Variants in PLEKHD1 observed in about 807,000 individuals in gnomAD.
The protein encoded by PLEKHD1 is pleckstrin homology and coiled-coil domain containing D1, also known as pleckstrin homology domain-containing family D member 1.
In PLEKHD1, 51 loss-of-function variants were observed where a neutral mutation model predicts 69.2. The observed-to-expected ratio is 0.74, with a 90% CI of 0.59 to 0.93. The LOEUF is 0.93. PLEKHD1 is among the 40% of genes least tolerant of loss of function. The pLI, the probability that PLEKHD1 is intolerant of heterozygous loss-of-function variation, is 0.00. For missense variants in PLEKHD1, 584 were observed against 641.0 expected (o/e 0.91, Z 0.96); for synonymous variants, 236 against 244.7 (o/e 0.96, Z 0.33).
chr14:69,475,529 G>A, the PLEKHD1 span, among the ~76,000 whole-genome samples: 2 of 152,190 alleles, frequency 1.3e-5, no homozygotes, highest in Admixed American at 1.3e-4. Flanking sequence ...GTGAGAGGGT[G>A]GGGTGGGGTA....
intron 7 of PLEKHD1, among the ~76,000 whole-genome samples, chr14:69,523,974 G>A (rs1176009518): frequency 6.6e-6 from 1 of 152,160 alleles, no homozygotes; most frequent in Admixed American, 6.5e-5. Flanking sequence ...CCTGTGGGGT[G>A]GCCCTAGGTT....
At chr14:69,518,967 G>A (rs1450376001) in intron 6 of PLEKHD1, among the ~76,000 whole-genome samples, 2 of 152,012 alleles carry the variant, frequency 1.3e-5, no homozygotes, top group Admixed American at 6.6e-5. Context: ...TTGGTGACAG[G>A]GACATGCAGG....
chr14:69,500,124 C>A lies in PLEKHD1; in HGVS notation c.159C>A (p.Ile53=), dbSNP rs1358313754. 6.5e-7 allele frequency: 1 copy of A among 1,548,810 alleles called. No homozygotes were observed. Among genetic ancestry groups the A allele is most frequent in the Admixed American group, 2.0e-5 (1 of 50,970 alleles). Residue 53 remains isoleucine (I), a synonymous_variant, in exon 2 of 13, where the codon ATC becomes ATA. Coordinates refer to ENST00000322564, the MANE Select transcript of PLEKHD1 (RefSeq NM_001161498.2). Reference sequence around the variant, plus strand: ...CCACCGCCCACTATAGGTTTTTCATCATCAAAGAGAGCTTTCTGCTTTACT... The same window carrying A: ...CCACCGCCCACTATAGGTTTTTCATAATCAAAGAGAGCTTTCTGCTTTACT... ...PSAKWSRRFF[I]IKESFLLYYS...
intron 11 of PLEKHD1, among the ~76,000 whole-genome samples, 172 bp downstream of exon 11, chr14:69,527,504 C>T (rs17107058): frequency 0.072 from 10,977 of 152,296 alleles, 584 homozygotes; most frequent in African/African-American, 0.15. Context: ...AGCACCACTG[C>T]TTTCTTGTGG....
At chr14:69,470,261 A>G in the PLEKHD1 span, among the ~76,000 whole-genome samples, 1 of 151,680 alleles carries the variant, frequency 6.6e-6, no homozygotes, top group South Asian at 2.1e-4. Flanking sequence ...TCAGGAGTTC[A>G]AGACCAACCT....
rs778097460 is a variant in PLEKHD1 at position 69,526,078 on chromosome 14, G to A, written c.879G>A (p.Glu293=). The A allele has an allele frequency of 7.7e-6, 12 of 1,551,646 alleles. No homozygotes were observed. Among genetic ancestry groups the A allele is most frequent in the Non-Finnish European group, 1.0e-5 (12 of 1,146,994 alleles). Residue 293 remains glutamate, a synonymous_variant, in exon 9 of 13, where the codon GAG becomes GAA. Transcript: ENST00000322564. The stretch of plus-strand genomic sequence containing the variant: ...ATAGCAACCTCCGGCAGATCGAGGA[G>A]AAGATGCAGCAGCTCTTAGAGGAGA... ...GLHSNLRQIE[E]KMQQLLEEKL... is the part of the protein sequence containing the mutation.
In PLEKHD1 at chr14:69,500,635, A is replaced by G. The variant is rs1475907572; in HGVS notation, c.302A>G (p.Tyr101Cys). ...VEPKEEPSMP[Y>C]AMKISHQDFH... ...CCCAAGGAAGAGCCTAGCATGCCCT[A>G]TGCCATGAAGATCTCCCACCAGGAC... Residue 101 changes from tyrosine to cysteine, a missense_variant, in exon 3 of 13, where the codon TAT becomes TGT. Physicochemically the swap from Tyr to Cys is radical, Grantham distance 194. Coordinates refer to ENST00000322564, the MANE Select transcript of PLEKHD1 (RefSeq NM_001161498.2). 1.3e-6 allele frequency: 2 copies of G among 1,551,334 alleles called. No individual in the cohort carries two copies. Among genetic ancestry groups the G allele is most frequent in the African/African-American group, 1.4e-5 (1 of 73,054 alleles).
In PLEKHD1 at chr14:69,484,734, C is replaced by G; in HGVS notation, c.-232C>G. Reference sequence around the variant, plus strand: ...GCTGAGCCACCCTCCCCGCGGAGTTCCCGCCCGGCCCTCTGCAATCCGGAG... The same window carrying G: ...GCTGAGCCACCCTCCCCGCGGAGTTGCCGCCCGGCCCTCTGCAATCCGGAG... On this transcript the variant is annotated 5_prime_UTR_variant, in exon 1 of 13. Coordinates refer to ENST00000322564, the MANE Select transcript of PLEKHD1 (RefSeq NM_001161498.2). 2.1e-6 allele frequency: 1 copy of G among 474,044 alleles called. No individual in the cohort carries two copies. The highest frequency in any genetic ancestry group is 3.5e-5 in the East Asian group (1 of 28,212). The allele number at this position is 474,044 out of a possible 1,614,324, so 29.4% of individuals were successfully genotyped here. A position where few individuals can be genotyped will look rare whatever the true frequency, so the allele number is the denominator to read the frequency against.
At chr14:69,499,222 C>T (rs941874522) in intron 1 of PLEKHD1, among the ~76,000 whole-genome samples, 10 of 120,034 alleles carry the variant, frequency 8.3e-5, no homozygotes, top group East Asian at 2.4e-4. Flanking sequence ...AACTCTCATA[C>T]GTGCACACAC....
At chr14:69,526,251 T>A in intron 9 of PLEKHD1, 129 bp downstream of exon 9, 1 of 985,918 alleles carries the variant, frequency 1.0e-6, no homozygotes, top group Non-Finnish European at 1.5e-6. Flanking sequence ...TCCTTTTGCC[T>A]AGGACTCTGT....
At chr14:69,496,552 G>A (rs1882891877) in intron 1 of PLEKHD1, among the ~76,000 whole-genome samples, 2 of 151,986 alleles carry the variant, frequency 1.3e-5, no homozygotes, top group African/African-American at 4.8e-5. Context: ...TTGCAACAGG[G>A]TCTTGATCTG....
intron 1 of PLEKHD1, among the ~76,000 whole-genome samples, chr14:69,492,991 T>G (rs533949193): frequency 1.3e-5 from 2 of 152,360 alleles, no homozygotes; most frequent in South Asian, 4.1e-4. Context: ...TGGTATGGAC[T>G]CCGGGGTTGA....
upstream of PLEKHD1, among the ~76,000 whole-genome samples, chr14:69,484,210 T>C (rs979269509): frequency 1.9e-4 from 29 of 152,180 alleles, no homozygotes; most frequent in Non-Finnish European, 3.1e-4. Context: ...AAGTCCTACC[T>C]GGCCACCCGC....
At chr14:69,500,753 C>T (rs4902724) in intron 3 of PLEKHD1, 87 bp downstream of exon 3, 190,952 of 1,517,006 alleles carry the variant, frequency 0.13, 12,633 homozygotes, top group South Asian at 0.14. Flanking sequence ...CATGTCCTGG[C>T]CTGGGAGAGG....
rs543145457 is a variant in PLEKHD1, at chr14:69,525,227, A to C, written c.745-717A>C. On this transcript the variant is annotated intron_variant, in intron 8 of 12. Coordinates refer to ENST00000322564, the MANE Select transcript of PLEKHD1 (RefSeq NM_001161498.2). ...ATGGTCTCTCCAAGCCCATCCCCTG[A>C]AGTGGGCCTGGCACATATGGTGTAT... is the stretch of plus-strand genomic sequence containing the variant. Among the ~76,000 whole-genome samples, 275 of 152,264 alleles carry C rather than the reference A, an allele frequency of 1.8e-3. 1 individual carries two copies. The highest frequency in any genetic ancestry group is 6.4e-3 in the African/African-American group (265 of 41,534).
At chr14:69,506,531 A>C (rs756271269) in intron 6 of PLEKHD1, among the ~76,000 whole-genome samples, 3 of 152,252 alleles carry the variant, frequency 2.0e-5, no homozygotes, top group Non-Finnish European at 4.4e-5. Flanking sequence ...GTGGAAAAGA[A>C]ATGAGAAAGG....
chr14:69,484,901 G>T lies in PLEKHD1; in HGVS notation c.-65G>T, dbSNP rs1480332157. On this transcript the variant is annotated 5_prime_UTR_variant, in exon 1 of 13. Transcript: ENST00000322564. ...TCCGACGGCTCCGCCCTCGCCTCTCGCCCCGAGTCCCTGCTGACCCCGGGG... is the reference window on the plus strand; with the variant it reads ...TCCGACGGCTCCGCCCTCGCCTCTCTCCCCGAGTCCCTGCTGACCCCGGGG... 22 of 1,517,962 alleles carry T rather than the reference G, an allele frequency of 1.4e-5. No individual in the cohort carries two copies. The highest frequency in any genetic ancestry group is 1.9e-5 in the Non-Finnish European group (21 of 1,125,928). The allele number at this position is 1,517,962 out of a possible 1,614,324, so 94.0% of individuals were successfully genotyped here.
chr14:69,526,167 T>C (rs1324186803), intron 9 of PLEKHD1, 45 bp downstream of exon 9: 16 of 1,497,876 alleles, frequency 1.1e-5, no homozygotes, highest in Non-Finnish European at 1.3e-5. Context: ...CTTTGGGGTC[T>C]GGGGACTTTC....
In PLEKHD1 at chr14:69,499,385, G is replaced by C. The variant is rs149520313; in HGVS notation, c.150-730G>C. Among the ~76,000 whole-genome samples the C allele has an allele frequency of 2.6e-3, 390 of 152,278 alleles. 4 individuals are homozygous for C. Among genetic ancestry groups the C allele is most frequent in the South Asian group, 2.9e-3 (14 of 4,826 alleles). ...CACTCTGGGTGTCCCTGAATCTCTG[G>C]GCTTTGAGCGCCAATCGGACCTTCC... On this transcript the variant is annotated intron_variant, in intron 1 of 12. Transcript: ENST00000322564.
Sources: allele counts gnomAD v4.1 joint callset (sites outside exome capture counted in the v4.1 genomes callset), GRCh38; gene constraint gnomAD v4.1.1; transcripts MANE v1.5; gene names NCBI Gene and HGNC (gene_info 2026-07-23, HGNC 2026-07-21).